Variants in SVIL observed in about 807,000 individuals in gnomAD.
SVIL encodes archvillin.
In SVIL, 101 loss-of-function variants were observed where a neutral mutation model predicts 240.4. The observed-to-expected ratio is 0.42, with a 90% CI of 0.36 to 0.50. The LOEUF (loss-of-function observed/expected upper bound fraction) is 0.50. Among genes scored for constraint, SVIL ranks in the 20% least tolerant of loss-of-function variants. The probability of loss-of-function intolerance (pLI) is 0.01; values close to 1 mark genes in which losing one functional copy is unlikely to be tolerated. For synonymous variants in SVIL, 999 were observed against 1,100.0 expected (o/e 0.91, Z 1.82); for missense variants, 2,512 against 2,818.7 (o/e 0.89, Z 2.46).
At chr10:29,467,676 G>T in intron 33 of SVIL, 66 bp downstream of exon 33, 1 of 1,597,926 alleles carries the variant, frequency 6.3e-7, no homozygotes, top group South Asian at 1.1e-5. Flanking sequence ...CTGGATAACA[G>T]AGCAAGACTC....
intron 29 of SVIL, among the ~76,000 whole-genome samples, 182 bp from the exon 30 acceptor site, chr10:29,474,171 C>G (rs1451491662): frequency 6.6e-6 from 1 of 152,162 alleles, no homozygotes; most frequent in African/African-American, 2.4e-5. Flanking sequence ...AGAGAAAAAC[C>G]ACCTTCCTTC....
At chr10:29,723,026 T>C (rs1964079290) in intron 1 of SVIL, among the ~76,000 whole-genome samples, 1 of 152,216 alleles carries the variant, frequency 6.6e-6, no homozygotes, top group South Asian at 2.1e-4. Flanking sequence ...TAAATGACAT[T>C]AGATAAGTGA....
intron 1 of SVIL, among the ~76,000 whole-genome samples, chr10:29,721,293 C>A (rs114585880): frequency 6.6e-6 from 1 of 151,160 alleles, no homozygotes; most frequent in African/African-American, 2.4e-5. Flanking sequence ...GGCAGAGAAA[C>A]CAGGGAAAAG....
At chr10:29,531,345 G>T in intron 9 of SVIL, 57 bp from the exon 10 acceptor site, 1 of 1,450,584 alleles carries the variant, frequency 6.9e-7, no homozygotes, top group Non-Finnish European at 9.6e-7. Flanking sequence ...GCAGAAGATC[G>T]AAATAAAACA....
At chr10:29,526,419 C>T (rs999189196) in intron 13 of SVIL, among the ~76,000 whole-genome samples, 1 of 151,284 alleles carries the variant, frequency 6.6e-6, no homozygotes, top group Non-Finnish European at 1.5e-5. Flanking sequence ...ATTCTCCTGC[C>T]TCAGTCTCCC....
intron 23 of SVIL, among the ~76,000 whole-genome samples, chr10:29,487,899 A>T (rs554639837): frequency 9.2e-5 from 14 of 152,334 alleles, no homozygotes; most frequent in African/African-American, 3.4e-4. Context: ...GCTTGTCACT[A>T]GTCTTTTTAA....
At chr10:29,607,094 T>G (rs1412950939) in intron 1 of SVIL, among the ~76,000 whole-genome samples, 1 of 152,246 alleles carries the variant, frequency 6.6e-6, no homozygotes, top group Non-Finnish European at 1.5e-5. Context: ...CATTAGAAAT[T>G]TATCCTGGTG....
chr10:29,503,947 C>G (rs1949083808), intron 17 of SVIL, among the ~76,000 whole-genome samples: 1 of 152,188 alleles, frequency 6.6e-6, no homozygotes, highest in Admixed American at 6.5e-5. Context: ...AACTTCAAGA[C>G]TTACTATAAA....
chr10:29,586,094 T>C (rs1383007611), intron 1 of SVIL, among the ~76,000 whole-genome samples: 4 of 152,170 alleles, frequency 2.6e-5, no homozygotes, highest in South Asian at 2.1e-4. Context: ...CGAGAAAAGA[T>C]GGATTCAGCC....
At chr10:29,591,371 C>T (rs1262688432) in intron 1 of SVIL, among the ~76,000 whole-genome samples, 1 of 152,142 alleles carries the variant, frequency 6.6e-6, no homozygotes, top group Non-Finnish European at 1.5e-5. Context: ...GGCATTGAAA[C>T]CCAGGGAATC....
intron 18 of SVIL, among the ~76,000 whole-genome samples, chr10:29,496,164 TA>T (rs1445583905): frequency 2.8e-5 from 2 of 71,230 alleles, no homozygotes; most frequent in African/African-American, 1.3e-4. Context: ...ATTATAGCAT[TA>T]AAAAATTTAA....
intron 29 of SVIL, chr10:29,475,237 C>A (rs1327310540): frequency 3.3e-5 from 5 of 152,180 alleles, no homozygotes; most frequent in Non-Finnish European, 7.3e-5. Context: ...CACTATGTTA[C>A]CCAGCCTAGT....
chr10:29,481,548 C>G (rs1374144236), intron 28 of SVIL, 36 bp downstream of exon 28: 3 of 1,611,380 alleles, frequency 1.9e-6, no homozygotes, highest in East Asian at 2.2e-5. Flanking sequence ...GGACCCGAAC[C>G]AAGCCCCGAG....
intron 1 of SVIL, among the ~76,000 whole-genome samples, chr10:29,609,467 C>T (rs1419957695): frequency 6.6e-6 from 1 of 152,200 alleles, no homozygotes; most frequent in African/African-American, 2.4e-5. Context: ...AGAGCTGTAA[C>T]ACAAATGGGC....
chr10:29,730,026 A>T (rs1338874312), intron 1 of SVIL, among the ~76,000 whole-genome samples: 2 of 151,056 alleles, frequency 1.3e-5, no homozygotes, highest in Non-Finnish European at 2.9e-5. Flanking sequence ...AATTTTTTTT[A>T]AATTAGCTGG....
chr10:29,541,498 C>G (rs1952153756), intron 6 of SVIL, among the ~76,000 whole-genome samples: 1 of 152,140 alleles, frequency 6.6e-6, no homozygotes, highest in African/African-American at 2.4e-5. Context: ...TTCTTGAGTA[C>G]TGAAAATGTA....
At chr10:29,578,832 C>T (rs1365910561) in intron 1 of SVIL, among the ~76,000 whole-genome samples, 2 of 152,214 alleles carry the variant, frequency 1.3e-5, no homozygotes, top group Non-Finnish European at 2.9e-5. Flanking sequence ...TTCTCCCATT[C>T]TTAGCCAACC....
intron 2 of SVIL, among the ~76,000 whole-genome samples, chr10:29,565,350 T>C (rs1339417915): frequency 2.0e-5 from 3 of 152,206 alleles, no homozygotes; most frequent in Non-Finnish European, 4.4e-5. Context: ...CGAAACACGC[T>C]ACAAATAGTG....
At chr10:29,462,448 G>A (rs1944377155) in intron 35 of SVIL, 47 bp from the exon 36 acceptor site, 1 of 1,578,900 alleles carries the variant, frequency 6.3e-7, no homozygotes, top group South Asian at 1.2e-5. Context: ...GGGAGACCCT[G>A]TCTTTCTCTG....
Sources: allele counts gnomAD v4.1 joint callset (sites outside exome capture counted in the v4.1 genomes callset), GRCh38; gene constraint gnomAD v4.1.1; transcripts MANE v1.5; gene names NCBI Gene and HGNC (gene_info 2026-07-23, HGNC 2026-07-21).